The following SLC24A2 variants were observed in gnomAD, a reference collection of about 807,000 sequenced individuals.
SLC24A2 encodes solute carrier family 24 member 2.
SLC24A2 carries 36 observed loss-of-function variants against 62.0 expected under a neutral mutation model. The observed-to-expected ratio is 0.58, with a 90% confidence interval of 0.44 to 0.77. The LOEUF (loss-of-function observed/expected upper bound fraction) is 0.77, where lower values mean the gene tolerates loss of function less well. Among genes scored for constraint, SLC24A2 ranks in the 30% least tolerant of loss-of-function variants. SLC24A2 has a pLI of 0.00. For missense variants in SLC24A2, 846 were observed against 817.9 expected, an observed-to-expected ratio of 1.03 and a Z score of -0.42; for synonymous variants, 358 against 294.0, an observed-to-expected ratio of 1.22 and a Z score of -2.23.
At chr9:19,691,363 C>G (rs1820041910) in intron 2 of SLC24A2, among the ~76,000 whole-genome samples, 1 of 151,998 alleles carries the variant, frequency 6.6e-6, no homozygotes. Flanking sequence ...CTCCCATGGG[C>G]AGAAAAGAGA....
the SLC24A2 span, among the ~76,000 whole-genome samples, chr9:20,055,276 G>T: frequency 6.6e-6 from 1 of 151,994 alleles, no homozygotes; most frequent in African/African-American, 2.4e-5. Flanking sequence ...TTTTCATTAG[G>T]TAATTCACAA....
chr9:20,030,791 G>C, the SLC24A2 span, among the ~76,000 whole-genome samples: 5 of 152,276 alleles, frequency 3.3e-5, no homozygotes, highest in Admixed American at 3.3e-4. Flanking sequence ...TAACTATTTA[G>C]TGAAATGAGT....
chr9:19,769,459 T>C (rs1304721948), intron 2 of SLC24A2, among the ~76,000 whole-genome samples: 1 of 152,242 alleles, frequency 6.6e-6, no homozygotes, highest in Non-Finnish European at 1.5e-5. Context: ...TGAGTCACAG[T>C]GAACATGAGT....
At chr9:19,880,793 A>G in the SLC24A2 span, among the ~76,000 whole-genome samples, 2 of 152,166 alleles carry the variant, frequency 1.3e-5, no homozygotes, top group Non-Finnish European at 2.9e-5. Context: ...TTTGAAATTC[A>G]TCTTAACGAT....
chr9:19,746,248 A>T, intron 2 of SLC24A2, among the ~76,000 whole-genome samples: 1 of 152,088 alleles, frequency 6.6e-6, no homozygotes, highest in Non-Finnish European at 1.5e-5. Context: ...ATAAATAAGA[A>T]ATTTAAATAA....
the SLC24A2 span, among the ~76,000 whole-genome samples, chr9:19,916,095 G>C: frequency 6.6e-6 from 1 of 151,978 alleles, no homozygotes; most frequent in Admixed American, 6.6e-5. Context: ...AATGGTGTGA[G>C]GTAGAGGTCC....
At chr9:20,045,116 C>T in the SLC24A2 span, among the ~76,000 whole-genome samples, 8 of 152,192 alleles carry the variant, frequency 5.3e-5, no homozygotes, top group Admixed American at 1.3e-4. Context: ...ATACATGGAT[C>T]GTATAGATAT....
the SLC24A2 span, among the ~76,000 whole-genome samples, chr9:19,912,933 A>T: frequency 6.6e-6 from 1 of 152,110 alleles, no homozygotes; most frequent in Non-Finnish European, 1.5e-5. Context: ...ACTATCAACA[A>T]ATCATTTGTA....
chr9:19,733,486 C>T (rs925614329), intron 2 of SLC24A2, among the ~76,000 whole-genome samples: 2 of 152,122 alleles, frequency 1.3e-5, no homozygotes, highest in East Asian at 3.9e-4. Flanking sequence ...AGGAAGCCTA[C>T]AGAGAACGCA....
At chr9:19,809,243 A>T in the SLC24A2 span, among the ~76,000 whole-genome samples, 1 of 152,238 alleles carries the variant, frequency 6.6e-6, no homozygotes, top group Admixed American at 6.5e-5. Context: ...AAATCCATCA[A>T]CAGTGGACTT....
chr9:19,542,349 T>C (rs893229573), intron 8 of SLC24A2, among the ~76,000 whole-genome samples: 8 of 152,316 alleles, frequency 5.3e-5, no homozygotes, highest in African/African-American at 7.2e-5. Context: ...GCTGGGACAA[T>C]AGAGTTTTCT....
At chr9:20,245,148 A>G in the SLC24A2 span, among the ~76,000 whole-genome samples, 2 of 152,340 alleles carry the variant, frequency 1.3e-5, no homozygotes, top group African/African-American at 4.8e-5. Flanking sequence ...AGATCTTACA[A>G]TCCATGGTTC....
chr9:19,761,685 C>T (rs531552591), intron 2 of SLC24A2, among the ~76,000 whole-genome samples: 36 of 151,894 alleles, frequency 2.4e-4, no homozygotes, highest in African/African-American at 7.5e-4. Context: ...CCTATGTCCA[C>T]GTGTTCTCAT....
At chr9:20,230,128 T>C in the SLC24A2 span, among the ~76,000 whole-genome samples, 1 of 152,176 alleles carries the variant, frequency 6.6e-6, no homozygotes, top group Non-Finnish European at 1.5e-5. Flanking sequence ...TAATCCAGTC[T>C]ATTGTTGTTG....
chr9:19,692,825 T>C (rs1484183650), intron 2 of SLC24A2, among the ~76,000 whole-genome samples: 2 of 152,176 alleles, frequency 1.3e-5, no homozygotes, highest in African/African-American at 2.4e-5. Flanking sequence ...TCGATAAAAA[T>C]TTGTTAGATG....
chr9:19,517,711 A>AC (rs1225751254), intron 10 of SLC24A2, among the ~76,000 whole-genome samples: 1 of 151,992 alleles, frequency 6.6e-6, no homozygotes, highest in Non-Finnish European at 1.5e-5. Flanking sequence ...AAGCTTGGGA[A>AC]CAAGGGGTAA....
At chr9:19,866,556 G>T in the SLC24A2 span, among the ~76,000 whole-genome samples, 1 of 150,766 alleles carries the variant, frequency 6.6e-6, no homozygotes, top group Non-Finnish European at 1.5e-5. Context: ...GCAACAACAT[G>T]GATGAAAGTG....
At chr9:19,603,104 C>G (rs1170918844) in intron 4 of SLC24A2, among the ~76,000 whole-genome samples, 1 of 151,560 alleles carries the variant, frequency 6.6e-6, no homozygotes, top group African/African-American at 2.4e-5. Flanking sequence ...GAATTCATTT[C>G]TAATTTCAGA....
chr9:20,228,898 G>A, the SLC24A2 span, among the ~76,000 whole-genome samples: 1 of 152,164 alleles, frequency 6.6e-6, no homozygotes, highest in Non-Finnish European at 1.5e-5. Flanking sequence ...AAGCATGGTG[G>A]TGGCTGGAGG....
Sources: allele counts gnomAD v4.1 joint callset (sites outside exome capture counted in the v4.1 genomes callset), GRCh38; gene constraint gnomAD v4.1.1; transcripts MANE v1.5; gene names NCBI Gene and HGNC (gene_info 2026-07-23, HGNC 2026-07-21).